The following TENT4B variants were observed in gnomAD, a reference collection of about 807,000 sequenced individuals.
TENT4B encodes terminal nucleotidyltransferase 4B, also known as PAP associated domain containing 5.
In TENT4B, 10 loss-of-function variants were observed where a neutral mutation model predicts 75.0. That is an observed-to-expected ratio of 0.13 (90% CI 0.08 to 0.23). The LOEUF (loss-of-function observed/expected upper bound fraction) is 0.23. TENT4B is among the 10% of genes least tolerant of loss of function. The probability of loss-of-function intolerance (pLI) is 1.00; values close to 1 mark genes in which losing one functional copy is unlikely to be tolerated. For missense variants in TENT4B, 579 were observed against 893.8 expected (o/e 0.65, Z 4.49); for synonymous variants, 350 against 357.7 (o/e 0.98, Z 0.24).
upstream of TENT4B, chr16:50,152,911 A>C: frequency 6.9e-7 from 1 of 1,443,610 alleles, no homozygotes; most frequent in Non-Finnish European, 9.1e-7. Flanking sequence ...GCGGAGTGGC[A>C]CCTCCCACAA....
Position 50,231,446 on chromosome 16 carries a change from C to T in TENT4B, c.*2118C>T. The T allele has an allele frequency of 4.1e-6, 4 of 985,592 alleles. No homozygotes were observed. The highest frequency in any genetic ancestry group is 4.8e-6 in the Non-Finnish European group (4 of 829,766). 61.1% of individuals were successfully genotyped at this position (985,592 alleles called of 1,614,324 possible). ...AGAGATCTATGTTACATTTACCACACTGAAGTTTTTTTTGTTGTTTTTTGT... is the reference window on the plus strand; with the variant it reads ...AGAGATCTATGTTACATTTACCACATTGAAGTTTTTTTTGTTGTTTTTTGT... On this transcript the variant is annotated 3_prime_UTR_variant, in exon 12 of 12. Transcript: ENST00000561678.
At position 50,229,470 on chromosome 16, in the gene TENT4B, A is replaced by G. The variant is rs1238156918; in HGVS notation, c.*142A>G. 8 of 1,285,828 alleles carry G rather than the reference A, an allele frequency of 6.2e-6. No homozygotes were observed. The highest frequency in any genetic ancestry group is 2.9e-4 in the Middle Eastern group (1 of 3,428). 79.7% of individuals were successfully genotyped at this position (1,285,828 alleles called of 1,614,324 possible). On this transcript the variant is annotated 3_prime_UTR_variant, in exon 12 of 12. Transcript: ENST00000561678. ...ACTGCGTTTTTTCCCAGCTCGCCAC[A>G]GAATGGATCATGAAGACTGACAACT...
At chr16:50,188,312 A>G (rs9923276) in intron 1 of TENT4B, among the ~76,000 whole-genome samples, 3,076 of 152,248 alleles carry the variant, frequency 0.02, 109 homozygotes, top group African/African-American at 0.071. Flanking sequence ...TCTGAGAACT[A>G]TAAAACCTTG....
chr16:50,233,578 T>C lies in TENT4B; in HGVS notation c.*4250T>C. ...TTGACAAAATTATTAACCAGAAAAA[T>C]TGCTTATAAAGGCTGCTGATCTATT... On this transcript the variant is annotated 3_prime_UTR_variant, in exon 12 of 12. Coordinates refer to ENST00000561678, the MANE Select transcript of TENT4B (RefSeq NM_001365324.3). 2 of 984,476 alleles carry C rather than the reference T, an allele frequency of 2.0e-6. No homozygotes were observed. The highest frequency in any genetic ancestry group is 2.4e-6 in the Non-Finnish European group (2 of 829,136). The allele number at this position is 984,476 out of a possible 1,614,324, so 61.0% of individuals were successfully genotyped here.
intron 1 of TENT4B, among the ~76,000 whole-genome samples, chr16:50,172,882 GA>G (rs2038232839): frequency 6.6e-6 from 1 of 152,104 alleles, no homozygotes. Flanking sequence ...ACCTTTTACA[GA>G]ATGTCATATA....
chr16:50,188,156 C>T (rs1455300108), intron 1 of TENT4B, among the ~76,000 whole-genome samples: 1 of 152,144 alleles, frequency 6.6e-6, no homozygotes, highest in Non-Finnish European at 1.5e-5. Flanking sequence ...TTTTATGGAG[C>T]CGATGATGTT....
At chr16:50,200,936 A>G (rs1223730905) in intron 1 of TENT4B, among the ~76,000 whole-genome samples, 3 of 151,958 alleles carry the variant, frequency 2.0e-5, no homozygotes, top group South Asian at 4.2e-4. Flanking sequence ...AGCTGGGACT[A>G]TAGGCACACA....
chr16:50,187,921 G>A (rs1463812167), intron 1 of TENT4B, among the ~76,000 whole-genome samples: 1 of 151,950 alleles, frequency 6.6e-6, no homozygotes, highest in Non-Finnish European at 1.5e-5. Context: ...AAACTTGTAT[G>A]CATTCTTTTC....
Position 50,233,037 on chromosome 16 carries a change from T to C in TENT4B, c.*3709T>C. On this transcript the variant is annotated 3_prime_UTR_variant, in exon 12 of 12. Coordinates refer to ENST00000561678, the MANE Select transcript of TENT4B (RefSeq NM_001365324.3). ...CTTGTTCTCCTAGTTCATTAAACTT[T>C]CAGTTATTGGAAAGGCACATTCTCA... 2 of 984,962 alleles carry C rather than the reference T, an allele frequency of 2.0e-6. No homozygotes were observed. The highest frequency in any genetic ancestry group is 2.4e-6 in the Non-Finnish European group (2 of 829,480). 61.0% of individuals were successfully genotyped at this position (984,962 alleles called of 1,614,324 possible). A position where few individuals can be genotyped will look rare whatever the true frequency, so the allele number is the denominator to read the frequency against.
rs1370764839 is a variant in TENT4B, at chr16:50,153,744, C to CAGCGGCGGCGCG, written c.134_145dup (p.Ala45_Gly48dup). 1.2e-5 allele frequency: 13 copies of CAGCGGCGGCGCG among 1,057,834 alleles called. No homozygotes were observed. In the East Asian group the frequency reaches 4.9e-4, roughly 40 times the overall value. The allele number at this position is 1,057,834 out of a possible 1,614,324, so 65.5% of individuals were successfully genotyped here. A position where few individuals can be genotyped will look rare whatever the true frequency, so the allele number is the denominator to read the frequency against. ...TCTACTTCAACCACCACTGTCACAG[C>CAGCGGCGGCGCG]AGCGGCGGCGCGAGCGGCGGCGGCG... On this transcript the variant is annotated inframe_insertion, in exon 1 of 12. Transcript: ENST00000561678.
intron 7 of TENT4B, among the ~76,000 whole-genome samples, chr16:50,223,626 A>G (rs1476402674): frequency 6.6e-6 from 1 of 152,240 alleles, no homozygotes; most frequent in Non-Finnish European, 1.5e-5. Flanking sequence ...AAAGCATAGT[A>G]GAAAAGGCAT....
At chr16:50,187,111 GAA>G (rs1335204042) in intron 1 of TENT4B, among the ~76,000 whole-genome samples, 2 of 152,092 alleles carry the variant, frequency 1.3e-5, no homozygotes, top group African/African-American at 4.8e-5. Context: ...CAATTTTGAT[GAA>G]GTTTATTTTT....
At chr16:50,166,598 C>G (rs1341623885) in intron 1 of TENT4B, among the ~76,000 whole-genome samples, 2 of 151,826 alleles carry the variant, frequency 1.3e-5, no homozygotes, top group Non-Finnish European at 2.9e-5. Flanking sequence ...TATTGTTGAG[C>G]TATAGGAGTT....
intron 1 of TENT4B, among the ~76,000 whole-genome samples, chr16:50,166,701 C>T: frequency 6.6e-6 from 1 of 151,846 alleles, no homozygotes; most frequent in East Asian, 1.9e-4. Flanking sequence ...TCTGCCCCCA[C>T]CCCAGGCTCA....
At chr16:50,164,777 C>G (rs764476889) in intron 1 of TENT4B, among the ~76,000 whole-genome samples, 7 of 151,802 alleles carry the variant, frequency 4.6e-5, no homozygotes, top group Non-Finnish European at 1.0e-4. Context: ...TGGTGGCTCA[C>G]CTGGGATTAA....
chr16:50,211,980 G>A (rs1003995117), intron 2 of TENT4B, among the ~76,000 whole-genome samples: 8 of 152,094 alleles, frequency 5.3e-5, no homozygotes, highest in Non-Finnish European at 1.0e-4. Flanking sequence ...TTGCCTTTTA[G>A]ACAGCTCCCA....
At chr16:50,195,217 G>T (rs1039814342) in intron 1 of TENT4B, among the ~76,000 whole-genome samples, 1 of 152,132 alleles carries the variant, frequency 6.6e-6, no homozygotes, top group Non-Finnish European at 1.5e-5. Flanking sequence ...CAGAGAATAG[G>T]TAAGAGCTTC....
In TENT4B at chr16:50,234,702, C is replaced by A; in HGVS notation, c.*5374C>A. 4 of 985,382 alleles carry A rather than the reference C, an allele frequency of 4.1e-6. No individual in the cohort carries two copies. Among genetic ancestry groups the A allele is most frequent in the Non-Finnish European group, 4.8e-6 (4 of 829,914 alleles). The allele number at this position is 985,382 out of a possible 1,614,324, so 61.0% of individuals were successfully genotyped here. On this transcript the variant is annotated 3_prime_UTR_variant, in exon 12 of 12. Coordinates refer to ENST00000561678, the MANE Select transcript of TENT4B (RefSeq NM_001365324.3). ...TCACAAGCTTGTTTGTTAGACGTGT[C>A]AAGAGTCTCCAGTCTTTACTACTAA... is the stretch of plus-strand genomic sequence containing the variant.
intron 1 of TENT4B, among the ~76,000 whole-genome samples, chr16:50,205,323 A>G (rs908019258): frequency 2.6e-5 from 4 of 152,110 alleles, no homozygotes; most frequent in African/African-American, 9.7e-5. Flanking sequence ...CAAGCAGACA[A>G]TAATCTCTGT....
Sources: allele counts gnomAD v4.1 joint callset (sites outside exome capture counted in the v4.1 genomes callset), GRCh38; gene constraint gnomAD v4.1.1; transcripts MANE v1.5; gene names NCBI Gene and HGNC (gene_info 2026-07-23, HGNC 2026-07-21).